Variants in COL4A6 observed in about 807,000 individuals in gnomAD.
COL4A6 encodes collagen type IV alpha 6 chain.
In COL4A6, 59 loss-of-function variants were observed where a neutral mutation model predicts 126.7. That is an observed-to-expected ratio of 0.47 (90% CI 0.38 to 0.58). COL4A6 has a LOEUF of 0.58. Among genes scored for constraint, COL4A6 ranks in the 20% least tolerant of loss-of-function variants. The pLI, the probability that COL4A6 is intolerant of heterozygous loss-of-function variation, is 0.00. For missense variants in COL4A6, 1,285 were observed against 1,337.3 expected, an observed-to-expected ratio of 0.96 and a Z score of 0.61; for synonymous variants, 547 against 496.6, an observed-to-expected ratio of 1.10 and a Z score of -1.35.
intron 5 of COL4A6, among the ~76,000 whole-genome samples, chrX:108,215,422 T>C (rs1412829639): frequency 9.0e-6 from 1 of 111,670 alleles, no homozygotes; most frequent in Non-Finnish European, 1.9e-5. Flanking sequence ...GGGAAGCTGA[T>C]GCAGCTCACT....
intron 3 of COL4A6, among the ~76,000 whole-genome samples, chrX:108,263,365 A>T (rs985693265): frequency 4.5e-5 from 5 of 111,824 alleles, no homozygotes; most frequent in African/African-American, 1.6e-4. Context: ...ATACCAATGT[A>T]CAGTTAGGGT....
chrX:108,394,845 A>G (rs190355096), intron 2 of COL4A6, among the ~76,000 whole-genome samples: 2 of 112,006 alleles, frequency 1.8e-5, no homozygotes, highest in East Asian at 5.6e-4. Context: ...TCAAAAAGTA[A>G]TCTATGGTGA....
chrX:108,198,787 GA>G (rs1191401072), intron 13 of COL4A6, among the ~76,000 whole-genome samples: 1 of 111,235 alleles, frequency 9.0e-6, no homozygotes, highest in Non-Finnish European at 1.9e-5. Context: ...CTCAACTGAA[GA>G]ACCCCACCTA....
chrX:108,199,296 C>T (rs190725629), intron 13 of COL4A6, among the ~76,000 whole-genome samples: 1 of 111,165 alleles, frequency 9.0e-6, no homozygotes, highest in Admixed American at 9.5e-5. Context: ...TTGAGAAGCA[C>T]ATTTCCTCTG....
intron 3 of COL4A6, among the ~76,000 whole-genome samples, chrX:108,300,565 C>T (rs749532450): frequency 1.1e-4 from 12 of 111,009 alleles, no homozygotes; most frequent in Non-Finnish European, 2.1e-4. Context: ...CTGGATAACC[C>T]TCACCAAATT....
chrX:108,408,969 T>A (rs1386970157), intron 2 of COL4A6, among the ~76,000 whole-genome samples: 4 of 111,944 alleles, frequency 3.6e-5, no homozygotes, highest in African/African-American at 9.7e-5. Context: ...CTCAAAAAAA[T>A]AAATAAATAA....
At chrX:108,221,731 G>A (rs949536052) in intron 3 of COL4A6, among the ~76,000 whole-genome samples, 3 of 112,675 alleles carry the variant, frequency 2.7e-5, no homozygotes, top group Non-Finnish European at 3.7e-5. Flanking sequence ...GAGCGCTGGA[G>A]AGCATCATGA....
intron 3 of COL4A6, among the ~76,000 whole-genome samples, chrX:108,272,908 T>C (rs1411023105): frequency 9.1e-6 from 1 of 110,115 alleles, no homozygotes; most frequent in African/African-American, 3.3e-5. Context: ...TTTTATTTTA[T>C]ATATATTTTT....
rs767827040 is a variant in COL4A6, at chrX:108,395,738, C to T, written c.63+42204G>A. 6.3e-5 allele frequency among the ~76,000 whole-genome samples: 7 copies of T among 111,781 alleles called. No homozygotes were observed. In the South Asian group the frequency reaches 2.6e-3, roughly 42 times the overall value. On this transcript the variant is annotated intron_variant, in intron 2 of 44. Transcript: ENST00000334504. Reference sequence around the variant, plus strand: ...TGTGGATGTTTTGCATTTTCTGAAACTAACTTCTGTCCCAAGGGTCTCTCA... The same window carrying T: ...TGTGGATGTTTTGCATTTTCTGAAATTAACTTCTGTCCCAAGGGTCTCTCA...
chrX:108,303,610 T>A (rs2038553201), intron 3 of COL4A6, among the ~76,000 whole-genome samples: 1 of 111,827 alleles, frequency 8.9e-6, no homozygotes, highest in African/African-American at 3.3e-5. Context: ...AGGGCAATGC[T>A]TCATTTAAAG....
chrX:108,238,294 T>TG (rs754487157), intron 3 of COL4A6, among the ~76,000 whole-genome samples: 10 of 108,886 alleles, frequency 9.2e-5, no homozygotes, highest in South Asian at 4.1e-4. Context: ...TTAGTAGAGA[T>TG]GGGGGGGTTT....
rs759307067 is a variant in COL4A6 at position 108,321,327 on chromosome X, T to C, written c.64-10499A>G. Among the ~76,000 whole-genome samples, 4 of 111,667 alleles carry C rather than the reference T, an allele frequency of 3.6e-5. No individual in the cohort carries two copies. The East Asian group carries it at 1.1e-3, about 31-fold the overall frequency. The stretch of plus-strand genomic sequence containing the variant: ...GATACCTTCAACTGTGTGACTCTTG[T>C]TTTTTTGTTTTGTTTCATTTTGTTT... On this transcript the variant is annotated intron_variant, in intron 2 of 44. Coordinates refer to ENST00000334504, the MANE Select transcript of COL4A6 (RefSeq NM_033641.4).
At chrX:108,279,713 C>G (rs189971667) in intron 3 of COL4A6, among the ~76,000 whole-genome samples, 1 of 111,762 alleles carries the variant, frequency 8.9e-6, no homozygotes, top group East Asian at 2.8e-4. Context: ...CCACACCACA[C>G]CTATTCCAAA....
At chrX:108,236,271 A>G (rs913650056) in intron 3 of COL4A6, among the ~76,000 whole-genome samples, 3 of 111,518 alleles carry the variant, frequency 2.7e-5, no homozygotes, top group Admixed American at 9.5e-5. Context: ...CAGACTTGAC[A>G]AAGGCAGGTA....
At chrX:108,177,335 G>A (rs1303967794) in intron 27 of COL4A6, among the ~76,000 whole-genome samples, 1 of 112,192 alleles carries the variant, frequency 8.9e-6, no homozygotes, top group African/African-American at 3.2e-5. Flanking sequence ...GGAGCTCTAG[G>A]AAGCCAGGGT....
intron 44 of COL4A6, among the ~76,000 whole-genome samples, chrX:108,157,741 G>T (rs1445185155): frequency 8.9e-6 from 1 of 111,806 alleles, no homozygotes; most frequent in East Asian, 2.8e-4. Context: ...ACCTACTGAA[G>T]TTCTCCTTAA....
rs200977189 is a variant in COL4A6 at position 108,160,670 on chromosome X, C to T, written c.4334-16G>A. 8.4e-7 allele frequency: 1 copy of T among 1,183,586 alleles called. No individual in the cohort carries two copies. Among genetic ancestry groups the T allele is most frequent in the Non-Finnish European group, 1.1e-6 (1 of 879,319 alleles). On this transcript the variant is annotated splice_polypyrimidine_tract_variant and intron_variant, in intron 42 of 44. Coordinates refer to ENST00000334504, the MANE Select transcript of COL4A6 (RefSeq NM_033641.4). Reference sequence around the variant, plus strand: ...CCTGGAGCTCCTGAGAGAGACAGATCATAAAAGGTGAGTGTGGTGCAGCTA... The same window carrying T: ...CCTGGAGCTCCTGAGAGAGACAGATTATAAAAGGTGAGTGTGGTGCAGCTA...
chrX:108,386,420 C>T (rs746038556), intron 2 of COL4A6, among the ~76,000 whole-genome samples: 33 of 112,010 alleles, frequency 2.9e-4, no homozygotes, highest in South Asian at 7.5e-4. Flanking sequence ...TTCTAACTGG[C>T]GTGAGATGGT....
rs2294464 is a variant in COL4A6 at position 108,161,653 on chromosome X, A to T, written c.4299T>A (p.Gly1433=). 1.4e-3 allele frequency: 1,608 copies of T among 1,184,609 alleles called. 10 individuals carry two copies. The East Asian group carries it at 0.031, about 23-fold the overall frequency. The stretch of plus-strand genomic sequence containing the variant: ...CTGGAGGGCCTTGCAGTCCAGGCAG[A>T]CCAGGATCACCAAGAGCCCCAGGTG... ...PGPPGALGDP[G]LPGLQGPPGF... Residue 1433 remains glycine, a synonymous_variant, in exon 42 of 45, where the codon GGT becomes GGA. Coordinates refer to ENST00000334504, the MANE Select transcript of COL4A6 (RefSeq NM_033641.4).
Sources: allele counts gnomAD v4.1 joint callset (sites outside exome capture counted in the v4.1 genomes callset), GRCh38; gene constraint gnomAD v4.1.1; transcripts MANE v1.5; gene names NCBI Gene and HGNC (gene_info 2026-07-23, HGNC 2026-07-21).